The following LRRIQ3 variants were observed in gnomAD, a reference collection of about 807,000 sequenced individuals.
LRRIQ3 encodes leucine rich repeats and IQ motif containing 3, also known as leucine-rich repeat and IQ domain-containing protein 3.
In LRRIQ3, 75 loss-of-function variants were observed where a neutral mutation model predicts 59.3. The ratio of observed to expected loss-of-function variants is 1.26; its 90% confidence interval spans 1.05 to 1.53. The LOEUF is 1.53. Among genes scored for constraint, LRRIQ3 ranks in the 40% most tolerant of loss-of-function variants. LRRIQ3 has a pLI of 0.00. For synonymous variants in LRRIQ3, 250 were observed against 231.3 expected, an observed-to-expected ratio of 1.08 and a Z score of -0.73; for missense variants, 831 against 710.0, an observed-to-expected ratio of 1.17 and a Z score of -1.94.
At chr1:74,166,769 A>G (rs994722087) in intron 3 of LRRIQ3, among the ~76,000 whole-genome samples, 1 of 151,612 alleles carries the variant, frequency 6.6e-6, no homozygotes, top group Non-Finnish European at 1.5e-5. Context: ...TTTCTTTTAC[A>G]CCATCCTCTT....
In LRRIQ3 at chr1:74,041,761, T is replaced by C; in HGVS notation, c.1170A>G (p.Pro390=). ...GTATGTCTTTTTTAATGATTGGCTT[T>C]GGATGAGTAGTATAGATTGGCTGAG... The part of the protein sequence containing the change: ...AYPQPIYTTH[P]KPIIKKDIRL... Residue 390 remains proline, a synonymous_variant, in exon 7 of 8, where the codon CCA becomes CCG. Coordinates refer to ENST00000354431, the MANE Select transcript of LRRIQ3 (RefSeq NM_001105659.2). 1 of 1,613,754 alleles carries C rather than the reference T, an allele frequency of 6.2e-7. No individual in the cohort carries two copies. Among genetic ancestry groups the C allele is most frequent in the Middle Eastern group, 1.7e-4 (1 of 6,058 alleles).
intron 6 of LRRIQ3, among the ~76,000 whole-genome samples, chr1:74,062,729 A>C (rs1645320185): frequency 6.6e-6 from 1 of 152,104 alleles, no homozygotes; most frequent in Admixed American, 6.6e-5. Context: ...GCAAATTAAC[A>C]CAGAAACAGA....
chr1:74,063,662 ACT>A (rs1654791158), intron 6 of LRRIQ3, among the ~76,000 whole-genome samples: 1 of 151,904 alleles, frequency 6.6e-6, no homozygotes, highest in African/African-American at 2.4e-5. Context: ...TTCTAGCAAC[ACT>A]GTTTTTTCAT....
intron 5 of LRRIQ3, among the ~76,000 whole-genome samples, chr1:74,091,378 C>A (rs1187870597): frequency 6.6e-6 from 1 of 151,974 alleles, no homozygotes; most frequent in Non-Finnish European, 1.5e-5. Flanking sequence ...ATTTCAAATA[C>A]AATGAGCAGT....
Position 74,041,695 on chromosome 1 carries a change from T to C in LRRIQ3, c.1236A>G (p.Arg412=), listed in dbSNP as rs200932822. Residue 412 remains arginine (R), a synonymous_variant, in exon 7 of 8, where the codon AGA becomes AGG. Transcript: ENST00000354431. ...TAAATGTTCGGAGTTTCATACCAGCTCTTTGTGGTGCAAAAAACTCTTTCA... is the reference window on the plus strand; with the variant it reads ...TAAATGTTCGGAGTTTCATACCAGCCCTTTGTGGTGCAAAAAACTCTTTCA... The part of the protein sequence containing the change: ...RSMKEFFAPQ[R]AGMKLRTFSD... The C allele has an allele frequency of 6.2e-7, 1 of 1,613,670 alleles. No individual in the cohort carries two copies. The highest frequency in any genetic ancestry group is 1.3e-5 in the African/African-American group (1 of 74,994).
At chr1:74,027,963 T>TA (rs946197151) in intron 7 of LRRIQ3, among the ~76,000 whole-genome samples, 2 of 151,774 alleles carry the variant, frequency 1.3e-5, no homozygotes, top group Admixed American at 6.6e-5. Flanking sequence ...GAGGGGAAGA[T>TA]AAAAAAAAGT....
intron 4 of LRRIQ3, among the ~76,000 whole-genome samples, chr1:74,117,532 G>A (rs949808750): frequency 6.6e-6 from 1 of 152,134 alleles, no homozygotes; most frequent in Admixed American, 6.6e-5. Flanking sequence ...TTCGGAGGCC[G>A]AGGTGGGCAA....
At chr1:74,186,922 T>C (rs1650421840) in intron 1 of LRRIQ3, among the ~76,000 whole-genome samples, 1 of 152,094 alleles carries the variant, frequency 6.6e-6, no homozygotes, top group African/African-American at 2.4e-5. Context: ...GCCTACTTTT[T>C]AGCTTTAATC....
chr1:74,084,511 G>A (rs1032524923), intron 5 of LRRIQ3, among the ~76,000 whole-genome samples: 2 of 151,572 alleles, frequency 1.3e-5, no homozygotes, highest in African/African-American at 4.8e-5. Flanking sequence ...TATTTTTCTT[G>A]TGAAACGAGT....
At chr1:74,034,019 A>T (rs1653795987) in intron 7 of LRRIQ3, among the ~76,000 whole-genome samples, 1 of 151,974 alleles carries the variant, frequency 6.6e-6, no homozygotes, top group South Asian at 2.1e-4. Context: ...TAATGCTTAA[A>T]TACTCCTGTG....
intron 1 of LRRIQ3, among the ~76,000 whole-genome samples, chr1:74,194,405 A>G (rs923907179): frequency 1.3e-5 from 2 of 152,158 alleles, no homozygotes; most frequent in Admixed American, 1.3e-4. Context: ...AAAACATTAT[A>G]TTTTCATGGC....
chr1:74,182,254 T>A, intron 3 of LRRIQ3: 1 of 178,166 alleles, frequency 5.6e-6, no homozygotes, highest in South Asian at 1.8e-4. Flanking sequence ...GAGTCTTTCA[T>A]ATACCAAATT....
At chr1:74,041,130 T>C in intron 7 of LRRIQ3, 83 bp downstream of exon 7, 1 of 1,125,980 alleles carries the variant, frequency 8.9e-7, no homozygotes, top group Non-Finnish European at 1.3e-6. Flanking sequence ...AACAGCATAC[T>C]AATTATTAGG....
At chr1:74,112,316 A>G (rs1487569876) in intron 4 of LRRIQ3, among the ~76,000 whole-genome samples, 1 of 152,148 alleles carries the variant, frequency 6.6e-6, no homozygotes, top group Non-Finnish European at 1.5e-5. Flanking sequence ...TCAAATCTAA[A>G]GGCACTGTTA....
At chr1:74,192,236 T>C (rs1047153193) in intron 1 of LRRIQ3, among the ~76,000 whole-genome samples, 2 of 152,082 alleles carry the variant, frequency 1.3e-5, no homozygotes, top group African/African-American at 4.8e-5. Flanking sequence ...TCAGAGTTAA[T>C]TTTTTTCCAA....
chr1:74,156,817 C>T (rs570191510), intron 3 of LRRIQ3, among the ~76,000 whole-genome samples: 180 of 152,094 alleles, frequency 1.2e-3, no homozygotes, highest in Non-Finnish European at 2.1e-3. Context: ...GATTTGAGAT[C>T]GTAGGCTCAG....
intron 7 of LRRIQ3, 129 bp from the exon 8 acceptor site, chr1:74,027,098 C>T (rs1653539250): frequency 1.8e-6 from 1 of 552,622 alleles, no homozygotes; most frequent in Non-Finnish European, 3.0e-6. Flanking sequence ...AAAGACACAA[C>T]TCCATTTATA....
intron 6 of LRRIQ3, among the ~76,000 whole-genome samples, chr1:74,057,287 A>C (rs1345695688): frequency 6.6e-6 from 1 of 152,112 alleles, no homozygotes; most frequent in Non-Finnish European, 1.5e-5. Flanking sequence ...ACAAGTTACT[A>C]TAGCTTTTTA....
intron 7 of LRRIQ3, among the ~76,000 whole-genome samples, chr1:74,039,359 A>G (rs1310072914): frequency 6.6e-6 from 1 of 152,212 alleles, no homozygotes; most frequent in African/African-American, 2.4e-5. Flanking sequence ...TGACTGGAGT[A>G]CCTGAAGGAG....
Sources: allele counts gnomAD v4.1 joint callset (sites outside exome capture counted in the v4.1 genomes callset), GRCh38; gene constraint gnomAD v4.1.1; transcripts MANE v1.5; gene names NCBI Gene and HGNC (gene_info 2026-07-23, HGNC 2026-07-21).